CELF2: variants seen among roughly 807,000 people sequenced by gnomAD.
CELF2 encodes the protein CUGBP Elav-like family member 2, also known as CUG triplet repeat RNA-binding protein 2.
In CELF2, 8 loss-of-function variants were observed where a neutral mutation model predicts 62.6. The observed-to-expected ratio is 0.13, with a 90% CI of 0.07 to 0.23. CELF2 has a LOEUF of 0.23. CELF2 is among the 10% of genes least tolerant of loss of function. CELF2 has a pLI of 1.00. For missense variants in CELF2, 333 were observed against 671.0 expected (o/e 0.50, Z 5.56); for synonymous variants, 258 against 250.0 (o/e 1.03, Z -0.30).
intron 1 of CELF2, among the ~76,000 whole-genome samples, chr10:11,125,964 G>T (rs556064643): frequency 1.3e-5 from 2 of 152,238 alleles, no homozygotes; most frequent in South Asian, 4.2e-4. Context: ...GTCAACACAC[G>T]CTTATAATTT....
chr10:11,005,255 GGA>G (rs529664321), upstream of CELF2: 130,440 of 1,142,230 alleles, frequency 0.11, 59 homozygotes, highest in East Asian at 0.16. This position sits in a 1 kb window ranked among gnomAD's most constrained non-coding sequence, Gnocchi z 4.3. Flanking sequence ...AGAGAGAGAG[GGA>G]GAGAGAGAGA....
At chr10:10,471,582 G>T in the CELF2 span, among the ~76,000 whole-genome samples, 1 of 151,470 alleles carries the variant, frequency 6.6e-6, no homozygotes, top group Non-Finnish European at 1.5e-5. Context: ...CATTCCAAAA[G>T]TATATTTCCA....
Position 10,848,013 on chromosome 10 carries a change from CCTCCCTCT to C in CELF2, c.53+49209_53+49216del, listed in dbSNP as rs553678049. ...GATGGTCTCCCTTCTCTTTTTTTCTCCTCCCTCTCTCCCTCTCTCCTTTCTCTTCCCCT... is the reference window on the plus strand; with the variant it reads ...GATGGTCTCCCTTCTCTTTTTTTCTCCTCCCTCTCTCCTTTCTCTTCCCCT... On this transcript the variant is annotated intron_variant, in intron 1 of 13. Transcript: ENST00000636488. 1.5e-4 allele frequency among the ~76,000 whole-genome samples: 23 copies of C among 151,870 alleles called. No individual in the cohort carries two copies. The South Asian group carries it at 2.9e-3, about 19-fold the overall frequency.
the CELF2 span, among the ~76,000 whole-genome samples, chr10:10,499,998 A>C: frequency 6.6e-6 from 1 of 152,206 alleles, no homozygotes; most frequent in Non-Finnish European, 1.5e-5. Context: ...TGCTAAGTAT[A>C]AACTCCATTA....
Position 11,224,063 on chromosome 10 carries a change from G to T in CELF2, c.354+6556G>T. ...GTTATTTTTAAAGCATGGCCTACTC[G>T]GTATAAGGAATTGTACGAGAGAAAA... On this transcript the variant is annotated intron_variant, in intron 3 of 12. Transcript: ENST00000633077. The surrounding 1 kb of genome is among the most constrained non-coding windows in gnomAD (Gnocchi z 4.5). 6.6e-6 allele frequency among the ~76,000 whole-genome samples: 1 copy of T among 152,260 alleles called. No homozygotes were observed. The highest frequency in any genetic ancestry group is 1.9e-4 in the East Asian group (1 of 5,188).
intron 2 of CELF2, among the ~76,000 whole-genome samples, chr10:10,933,892 G>A (rs1481280251): frequency 2.6e-5 from 4 of 152,168 alleles, no homozygotes; most frequent in African/African-American, 9.7e-5. Flanking sequence ...GTGGATAATG[G>A]TGCCATGAAC....
chr10:11,125,164 G>A (rs577925324), intron 1 of CELF2, among the ~76,000 whole-genome samples: 3 of 152,296 alleles, frequency 2.0e-5, no homozygotes, highest in African/African-American at 7.2e-5. Flanking sequence ...AACTTACACA[G>A]ATGTAGTGTG....
At chr10:10,720,327 A>G in the CELF2 span, among the ~76,000 whole-genome samples, 1 of 152,256 alleles carries the variant, frequency 6.6e-6, no homozygotes, top group Non-Finnish European at 1.5e-5. Flanking sequence ...CCTGCCTACC[A>G]TTAATCTGCT....
At chr10:11,001,847 G>A (rs147962903), upstream of CELF2, among the ~76,000 whole-genome samples, 1 of 151,762 alleles carries the variant, frequency 6.6e-6, no homozygotes, top group East Asian at 1.9e-4. Flanking sequence ...GTTAAAAATT[G>A]GCTCCTACTG....
In CELF2 at chr10:10,993,331, C is replaced by G. The variant is rs2053624454; in HGVS notation, c.89+73332C>G. Among the ~76,000 whole-genome samples, 1 of 152,094 alleles carries G rather than the reference C, an allele frequency of 6.6e-6. No homozygotes were observed. Among genetic ancestry groups the G allele is most frequent in the African/African-American group, 2.4e-5 (1 of 41,420 alleles). On this transcript the variant is annotated intron_variant, in intron 2 of 13. Transcript: ENST00000636488. This position sits in a 1 kb window ranked among gnomAD's most constrained non-coding sequence, Gnocchi z 5.3. ...GCTTTGACTCATTTCAAAGCCATCA[C>G]AAGAGGCATCTAATTGAAGCTACTA... is the stretch of plus-strand genomic sequence containing the variant.
At chr10:10,807,601 T>A (rs2131637510) in intron 1 of CELF2, among the ~76,000 whole-genome samples, 1 of 152,310 alleles carries the variant, frequency 6.6e-6, no homozygotes, top group East Asian at 1.9e-4. Flanking sequence ...AAAAGATAAA[T>A]GTTTCTATTT....
chr10:10,619,686 G>C, the CELF2 span, among the ~76,000 whole-genome samples: 2 of 152,208 alleles, frequency 1.3e-5, no homozygotes, highest in Non-Finnish European at 2.9e-5. Context: ...AATTCAGTGA[G>C]GCAGAAAACG....
At chr10:10,490,576 GGT>G in the CELF2 span, among the ~76,000 whole-genome samples, 379 of 152,010 alleles carry the variant, frequency 2.5e-3, no homozygotes, top group African/African-American at 8.9e-3. Flanking sequence ...GTTGGGGGGG[GGT>G]GGAGCATGTG....
At chr10:10,687,205 A>G in the CELF2 span, among the ~76,000 whole-genome samples, 1 of 152,202 alleles carries the variant, frequency 6.6e-6, no homozygotes, top group Non-Finnish European at 1.5e-5. Context: ...ATTGTTTTTA[A>G]TGGATACTGG....
chr10:10,794,361 A>T (rs2054019849), upstream of CELF2, among the ~76,000 whole-genome samples: 1 of 152,228 alleles, frequency 6.6e-6, no homozygotes, highest in South Asian at 2.1e-4. Context: ...GAAGAGAAAA[A>T]AAACTAGGAT....
At chr10:11,070,965 T>C (rs2069755648) in intron 1 of CELF2, among the ~76,000 whole-genome samples, 1 of 152,132 alleles carries the variant, frequency 6.6e-6, no homozygotes, top group African/African-American at 2.4e-5. Context: ...AAATGGAAGG[T>C]AAGAAAAGAA....
chr10:10,779,963 T>A, the CELF2 span, among the ~76,000 whole-genome samples: 1 of 152,120 alleles, frequency 6.6e-6, no homozygotes, highest in African/African-American at 2.4e-5. Context: ...TGGGTGGGAC[T>A]GGGAGTTCAA....
At chr10:10,863,763 G>A (rs1028446852) in intron 1 of CELF2, among the ~76,000 whole-genome samples, 9 of 152,092 alleles carry the variant, frequency 5.9e-5, no homozygotes, top group African/African-American at 2.2e-4. Flanking sequence ...GTGAAACTTA[G>A]CTTGAGCCAC....
In CELF2 at chr10:11,285,266, C is replaced by T. The variant is rs1171734236; in HGVS notation, c.842-3152C>T. Among the ~76,000 whole-genome samples, 2 of 152,088 alleles carry T rather than the reference C, an allele frequency of 1.3e-5. No homozygotes were observed. The highest frequency in any genetic ancestry group is 2.9e-5 in the Non-Finnish European group (2 of 68,012). ...CTCAGATGCTGGGGATCACAGTGTCCTCTCCTTTCCACTCTTCATCTCAGC... is the reference window on the plus strand; with the variant it reads ...CTCAGATGCTGGGGATCACAGTGTCTTCTCCTTTCCACTCTTCATCTCAGC... On this transcript the variant is annotated intron_variant, in intron 8 of 12. Transcript: ENST00000633077. The surrounding 1 kb of genome is among the most constrained non-coding windows in gnomAD (Gnocchi z 4.3).
Sources: gnomAD v4.1 joint callset for allele counts (sites outside exome capture counted in the v4.1 genomes callset) on GRCh38, gnomAD v4.1.1 for gene constraint, Gnocchi (gnomAD v3.1) non-coding constraint, MANE v1.5 for transcripts, NCBI Gene and HGNC (gene_info 2026-07-23, HGNC 2026-07-21) for gene names.